The following IL1RAPL1 variants were observed in gnomAD, a reference collection of about 807,000 sequenced individuals.
The protein encoded by IL1RAPL1 is interleukin-1 receptor accessory protein-like 1.
In IL1RAPL1, 3 loss-of-function variants were observed where a neutral mutation model predicts 48.4. That is an observed-to-expected ratio of 0.06 (90% CI 0.03 to 0.16). IL1RAPL1 has a LOEUF of 0.16. Among genes scored for constraint, IL1RAPL1 ranks in the 10% least tolerant of loss-of-function variants. The pLI, the probability that IL1RAPL1 is intolerant of heterozygous loss-of-function variation, is 1.00. For synonymous variants in IL1RAPL1, 185 were observed against 187.7 expected (o/e 0.99, Z 0.12); for missense variants, 349 against 530.6 (o/e 0.66, Z 3.36).
chrX:28,667,278 T>C (rs777296247), intron 1 of IL1RAPL1, among the ~76,000 whole-genome samples: 2 of 112,184 alleles, frequency 1.8e-5, no homozygotes, highest in Non-Finnish European at 3.8e-5. Context: ...CCCTGTAAAA[T>C]AATCTTTGTA....
intron 5 of IL1RAPL1, among the ~76,000 whole-genome samples, chrX:29,503,482 A>C (rs1229287838): frequency 9.0e-6 from 1 of 111,063 alleles, no homozygotes; most frequent in Admixed American, 9.6e-5. Context: ...TGATATAGGC[A>C]CTTATTACTA....
chrX:29,701,250 A>G (rs1199362502), intron 6 of IL1RAPL1, among the ~76,000 whole-genome samples: 1 of 111,905 alleles, frequency 8.9e-6, no homozygotes, highest in Non-Finnish European at 1.9e-5. Context: ...GTTTTAAGAA[A>G]ATTACTTTAA....
chrX:29,040,503 G>A (rs1926823504), intron 2 of IL1RAPL1, among the ~76,000 whole-genome samples: 1 of 112,001 alleles, frequency 8.9e-6, no homozygotes, highest in South Asian at 3.7e-4. Flanking sequence ...ACCACATTGT[G>A]TAGCCAGGGT....
At chrX:29,170,027 A>G (rs1184234590) in intron 2 of IL1RAPL1, among the ~76,000 whole-genome samples, 2 of 111,606 alleles carry the variant, frequency 1.8e-5, no homozygotes, top group African/African-American at 3.2e-5. Context: ...AAAATTCTAT[A>G]AGGAATGTAC....
chrX:29,788,358 A>T (rs1929552826), intron 6 of IL1RAPL1, among the ~76,000 whole-genome samples: 1 of 111,743 alleles, frequency 8.9e-6, no homozygotes, highest in African/African-American at 3.2e-5. Flanking sequence ...AATAAATCAT[A>T]GTATGTTAGA....
intron 2 of IL1RAPL1, among the ~76,000 whole-genome samples, chrX:29,153,249 C>T: frequency 9.0e-6 from 1 of 111,564 alleles, no homozygotes; most frequent in African/African-American, 3.3e-5. Context: ...ATCTGGATAA[C>T]CCTGGCTTAT....
intron 2 of IL1RAPL1, among the ~76,000 whole-genome samples, chrX:28,937,361 A>G (rs779776602): frequency 2.7e-5 from 3 of 111,072 alleles, no homozygotes; most frequent in South Asian, 7.6e-4. Context: ...ACCAGTTTTT[A>G]CTTTCCTACC....
chrX:28,893,823 A>T (rs1357234684), intron 2 of IL1RAPL1, among the ~76,000 whole-genome samples: 2 of 111,821 alleles, frequency 1.8e-5, no homozygotes, highest in Non-Finnish European at 3.8e-5. Flanking sequence ...ATGAGGCTGG[A>T]AGGAGATATT....
intron 3 of IL1RAPL1, among the ~76,000 whole-genome samples, chrX:29,299,848 G>A (rs1932505326): frequency 8.9e-6 from 1 of 112,384 alleles, no homozygotes; most frequent in South Asian, 3.7e-4. Context: ...CAGAGTTGGA[G>A]GTCAGGTGTT....
At chrX:29,745,437 T>G (rs1242123258) in intron 6 of IL1RAPL1, among the ~76,000 whole-genome samples, 1 of 76,605 alleles carries the variant, frequency 1.3e-5, no homozygotes, top group Admixed American at 1.5e-4. Flanking sequence ...TTGTGTTTTT[T>G]TTTTTTTTTT....
chrX:28,712,281 A>G (rs1300704818), intron 1 of IL1RAPL1, among the ~76,000 whole-genome samples: 1 of 110,465 alleles, frequency 9.1e-6, no homozygotes, highest in African/African-American at 3.3e-5. Context: ...AAACCTACCT[A>G]CTGACTTTCT....
chrX:29,751,263 G>A (rs1279128823), intron 6 of IL1RAPL1, among the ~76,000 whole-genome samples: 1 of 111,268 alleles, frequency 9.0e-6, no homozygotes, highest in Non-Finnish European at 1.9e-5. Context: ...GAATAAATTA[G>A]GTATAATTCC....
intron 5 of IL1RAPL1, among the ~76,000 whole-genome samples, chrX:29,412,144 G>A (rs1029510455): frequency 2.5e-4 from 28 of 110,920 alleles, no homozygotes; most frequent in African/African-American, 8.2e-4. Flanking sequence ...GGTGGTCCGC[G>A]CCTGTAGTCC....
chrX:28,664,192 T>A (rs2146910721), intron 1 of IL1RAPL1, among the ~76,000 whole-genome samples: 1 of 112,658 alleles, frequency 8.9e-6, no homozygotes, highest in East Asian at 2.8e-4. Flanking sequence ...AACCAAAGTA[T>A]AAATCCATAG....
intron 5 of IL1RAPL1, among the ~76,000 whole-genome samples, chrX:29,576,807 G>A (rs1317177269): frequency 2.7e-5 from 3 of 110,529 alleles, no homozygotes; most frequent in East Asian, 5.7e-4. Context: ...AAGTTGTCAA[G>A]CCTTCCATTA....
chrX:28,616,329 G>C (rs970119505), intron 1 of IL1RAPL1, among the ~76,000 whole-genome samples: 1 of 111,961 alleles, frequency 8.9e-6, no homozygotes, highest in Admixed American at 9.4e-5. Context: ...ACGACTATTT[G>C]TTCCTGGATT....
chrX:28,733,523 A>G (rs930360296), intron 1 of IL1RAPL1, among the ~76,000 whole-genome samples: 13 of 111,523 alleles, frequency 1.2e-4, no homozygotes, highest in African/African-American at 3.6e-4. Flanking sequence ...CTTAAGGCAG[A>G]TAGTTGACCT....
At chrX:29,223,244 A>G (rs1438073977) in intron 2 of IL1RAPL1, among the ~76,000 whole-genome samples, 3 of 111,648 alleles carry the variant, frequency 2.7e-5, no homozygotes, top group Non-Finnish European at 5.6e-5. Flanking sequence ...TTTGGACTCT[A>G]TAGGAAAAAT....
At chrX:29,569,339 GGCTCC>G (rs1199254981) in intron 5 of IL1RAPL1, among the ~76,000 whole-genome samples, 10 of 110,157 alleles carry the variant, frequency 9.1e-5, no homozygotes, top group Non-Finnish European at 1.7e-4. Context: ...ATATGATTAT[GGCTCC>G]AATCTCAGAG....
Sources: gnomAD v4.1 joint callset for allele counts (sites outside exome capture counted in the v4.1 genomes callset) on GRCh38, gnomAD v4.1.1 for gene constraint, MANE v1.5 for transcripts, NCBI Gene and HGNC (gene_info 2026-07-23, HGNC 2026-07-21) for gene names.